The following PANX1 variants were observed in gnomAD, a reference collection of about 807,000 sequenced individuals.
PANX1 encodes the protein pannexin-1.
A neutral mutation model predicts 38.7 loss-of-function variants in PANX1; 30 were observed. The ratio of observed to expected loss-of-function variants is 0.78; its 90% CI spans 0.58 to 1.05. The LOEUF is 1.05. Among genes scored for constraint, PANX1 ranks in the 50% least tolerant of loss-of-function variants. PANX1 has a pLI of 0.00. For synonymous variants in PANX1, 230 were observed against 212.2 expected (o/e 1.08, Z -0.73); for missense variants, 551 against 517.2 (o/e 1.07, Z -0.63).
chr11:94,133,678 GA>G (rs1946656110), intron 1 of PANX1, among the ~76,000 whole-genome samples: 1 of 152,158 alleles, frequency 6.6e-6, no homozygotes, highest in South Asian at 2.1e-4. Flanking sequence ...TGGGTAGGGG[GA>G]AAATAAGTGA....
intron 2 of PANX1, among the ~76,000 whole-genome samples, chr11:94,155,338 G>C (rs1343015887): frequency 1.4e-5 from 2 of 140,686 alleles, no homozygotes; most frequent in Admixed American, 7.3e-5. Context: ...GAACAAGAGT[G>C]GAACTCCATC....
At chr11:94,159,599 G>T (rs1472264841) in intron 2 of PANX1, among the ~76,000 whole-genome samples, 1 of 151,892 alleles carries the variant, frequency 6.6e-6, no homozygotes, top group Non-Finnish European at 1.5e-5. Flanking sequence ...TTTTTATTGC[G>T]TCTATTTGAT....
intron 2 of PANX1, among the ~76,000 whole-genome samples, chr11:94,166,164 C>T (rs1947099837): frequency 6.6e-6 from 1 of 151,986 alleles, no homozygotes; most frequent in Non-Finnish European, 1.5e-5. Context: ...ACCTTAGGGT[C>T]TTCATTTTAA....
At chr11:94,158,189 C>T (rs1235607684) in intron 2 of PANX1, among the ~76,000 whole-genome samples, 3 of 152,126 alleles carry the variant, frequency 2.0e-5, no homozygotes, top group Non-Finnish European at 4.4e-5. Flanking sequence ...CATGATGCCT[C>T]CAGCTTAGTT....
At chr11:94,157,413 T>C (rs1001016934) in intron 2 of PANX1, among the ~76,000 whole-genome samples, 8 of 152,224 alleles carry the variant, frequency 5.3e-5, no homozygotes, top group African/African-American at 1.9e-4. Context: ...TTCCTGACTT[T>C]TTAATGATCG....
intron 1 of PANX1, among the ~76,000 whole-genome samples, chr11:94,137,080 C>T (rs370266072): frequency 1.3e-5 from 2 of 152,028 alleles, no homozygotes; most frequent in African/African-American, 2.4e-5. Flanking sequence ...CCAAGGCGAG[C>T]GGATCATGAG....
At chr11:94,165,105 G>C (rs757760986) in intron 2 of PANX1, among the ~76,000 whole-genome samples, 2 of 151,934 alleles carry the variant, frequency 1.3e-5, no homozygotes, top group Non-Finnish European at 2.9e-5. Context: ...CGTTTGGTTG[G>C]GTCTTGGTTT....
At chr11:94,167,191 C>T (rs1349090093) in intron 2 of PANX1, among the ~76,000 whole-genome samples, 1 of 152,156 alleles carries the variant, frequency 6.6e-6, no homozygotes, top group African/African-American at 2.4e-5. Context: ...CTCCCTCCTT[C>T]AAGCACACGG....
Position 94,131,470 on chromosome 11 carries a change from G to C in PANX1, c.181+1977G>C, listed in dbSNP as rs529358250. ...CCTGCCCTCTCCCTGCCCTGTGGCA[G>C]TTTACTATGCAGTTGGGCACTAGAA... On this transcript the variant is annotated intron_variant, in intron 1 of 4. Coordinates refer to ENST00000227638, the MANE Select transcript of PANX1 (RefSeq NM_015368.4). Among the ~76,000 whole-genome samples the C allele has an allele frequency of 2.0e-5, 3 of 152,354 alleles. No homozygotes were observed. In the South Asian group the frequency reaches 6.2e-4, roughly 32 times the overall value.
At chr11:94,129,736 G>A (rs1946604542) in intron 1 of PANX1, among the ~76,000 whole-genome samples, 1 of 152,096 alleles carries the variant, frequency 6.6e-6, no homozygotes, top group South Asian at 2.1e-4. Flanking sequence ...CCCTCTGATC[G>A]GACTGTGGCT....
At chr11:94,175,200 T>C (rs867280817) in intron 2 of PANX1, among the ~76,000 whole-genome samples, 4 of 151,770 alleles carry the variant, frequency 2.6e-5, no homozygotes, top group African/African-American at 9.7e-5. Flanking sequence ...TTATTTTGGA[T>C]TCTTATTTCC....
intron 3 of PANX1, 143 bp downstream of exon 3, chr11:94,178,735 C>A: frequency 1.6e-6 from 1 of 638,516 alleles, no homozygotes; most frequent in Non-Finnish European, 2.8e-6. Context: ...CTAGTGACAG[C>A]CTGTAGTATC....
chr11:94,159,658 T>G (rs1229642877), intron 2 of PANX1, among the ~76,000 whole-genome samples: 1 of 152,114 alleles, frequency 6.6e-6, no homozygotes, highest in African/African-American at 2.4e-5. Flanking sequence ...TCAATTTTGT[T>G]GATCTTTTCA....
In PANX1 at chr11:94,180,910, C is replaced by A; in HGVS notation, c.*41C>A. 2 of 1,171,388 alleles carry A rather than the reference C, an allele frequency of 1.7e-6. No homozygotes were observed. Among genetic ancestry groups the A allele is most frequent in the Non-Finnish European group, 2.6e-6 (2 of 776,690 alleles). 72.6% of individuals were successfully genotyped at this position (1,171,388 alleles called of 1,614,324 possible). A position where few individuals can be genotyped will look rare whatever the true frequency, so the allele number is the denominator to read the frequency against. Reference sequence around the variant, plus strand: ...AGCTGTAAATCTGTGACTTCTGCGACATGGGATTTAATTTGGCTAAAGCAC... The same window carrying A: ...AGCTGTAAATCTGTGACTTCTGCGAAATGGGATTTAATTTGGCTAAAGCAC... On this transcript the variant is annotated 3_prime_UTR_variant, in exon 5 of 5. Coordinates refer to ENST00000227638, the MANE Select transcript of PANX1 (RefSeq NM_015368.4).
At chr11:94,177,406 C>T (rs1014529206) in intron 2 of PANX1, among the ~76,000 whole-genome samples, 4 of 151,606 alleles carry the variant, frequency 2.6e-5, no homozygotes, top group African/African-American at 7.3e-5. Flanking sequence ...ACATCAAGGG[C>T]CTAGACCAGG....
At position 94,166,097 on chromosome 11, in the gene PANX1, C is replaced by A. The variant is rs377456522; in HGVS notation, c.322-12272C>A. ...CTTTCGACTTCTTGTCACTTTATATCTTTTTATATTGTGTATCTCCTAACA... is the reference window on the plus strand; with the variant it reads ...CTTTCGACTTCTTGTCACTTTATATATTTTTATATTGTGTATCTCCTAACA... On this transcript the variant is annotated intron_variant, in intron 2 of 4. Transcript: ENST00000227638. Among the ~76,000 whole-genome samples, 5 of 152,098 alleles carry A rather than the reference C, an allele frequency of 3.3e-5. No homozygotes were observed. In the East Asian group the frequency reaches 9.7e-4, roughly 29 times the overall value.
In PANX1 at chr11:94,179,719, C is replaced by T. The variant is rs1247812389; in HGVS notation, c.663C>T (p.Leu221=). 1 of 1,613,834 alleles carries T rather than the reference C, an allele frequency of 6.2e-7. No homozygotes were observed. The highest frequency in any genetic ancestry group is 1.7e-4 in the Middle Eastern group (1 of 6,058). Residue 221 remains leucine, a synonymous_variant, in exon 4 of 5, where the codon CTC becomes CTT. Coordinates refer to ENST00000227638, the MANE Select transcript of PANX1 (RefSeq NM_015368.4). ...ACATTAGCTGCCGCCTGCTGACACT[C>T]ATCATTATACTGTTAGCGTGTATCT... The part of the protein sequence containing the change: ...IKYISCRLLT[L]IIILLACIYL...
intron 3 of PANX1, 49 bp from the exon 4 acceptor site, chr11:94,179,553 G>C: frequency 7.3e-7 from 1 of 1,364,490 alleles, no homozygotes; most frequent in South Asian, 1.2e-5. Flanking sequence ...TTTAATATTT[G>C]ATGGTCTTGA....
intron 2 of PANX1, among the ~76,000 whole-genome samples, chr11:94,169,037 A>G (rs532660590): frequency 6.6e-6 from 1 of 151,720 alleles, no homozygotes; most frequent in South Asian, 2.1e-4. Context: ...AACATGTTGA[A>G]TCAGGTGCTG....
Sources: gnomAD v4.1 joint callset for allele counts (sites outside exome capture counted in the v4.1 genomes callset) on GRCh38, gnomAD v4.1.1 for gene constraint, MANE v1.5 for transcripts, NCBI Gene and HGNC (gene_info 2026-07-23, HGNC 2026-07-21) for gene names.